TYRP1: variants seen among roughly 807,000 people sequenced by gnomAD.
The protein encoded by TYRP1 is tyrosinase related protein 1.
TYRP1 carries 49 observed loss-of-function variants against 42.8 expected under a neutral mutation model. The observed-to-expected ratio is 1.14, with a 90% confidence interval of 0.91 to 1.45. The LOEUF (loss-of-function observed/expected upper bound fraction) is 1.45. Among genes scored for constraint, TYRP1 ranks in the 40% most tolerant of loss-of-function variants. The pLI is 0.00. For missense variants in TYRP1, 848 were observed against 662.0 expected, an observed-to-expected ratio of 1.28 and a Z score of -3.08; for synonymous variants, 279 against 235.4, an observed-to-expected ratio of 1.19 and a Z score of -1.69.
At position 12,695,769 on chromosome 9, in the gene TYRP1, T is replaced by C. The variant is rs1818070387; in HGVS notation, c.640T>C (p.Ser214Pro). Residue 214 changes from serine (S) to proline (P), a missense_variant, in exon 3 of 8, where the codon TCT (serine) becomes CCT (proline). Ser to Pro is a moderately conservative substitution (Grantham distance 74). Transcript: ENST00000388918. Reference sequence around the variant, plus strand: ...GGAAAGCTTTGGTGAAGTGGATTTCTCTCATGAGGGACCAGCTTTTCTCAC... The same window carrying C: ...GGAAAGCTTTGGTGAAGTGGATTTCCCTCATGAGGGACCAGCTTTTCTCAC... ...GQESFGEVDF[S>P]HEGPAFLTWH... The C allele has an allele frequency of 1.2e-6, 2 of 1,614,018 alleles. No homozygotes were observed. Among genetic ancestry groups the C allele is most frequent in the East Asian group, 2.2e-5 (1 of 44,886 alleles).
chr9:12,699,786 C>G (rs1419264042), intron 4 of TYRP1, among the ~76,000 whole-genome samples: 1 of 152,010 alleles, frequency 6.6e-6, no homozygotes, highest in Non-Finnish European at 1.5e-5. Context: ...TGTTTATACT[C>G]TTTGTGACCA....
At position 12,695,667 on chromosome 9, in the gene TYRP1, G is replaced by A. The variant is rs1818067611; in HGVS notation, c.538G>A (p.Glu180Lys). 9 of 1,614,030 alleles carry A rather than the reference G, an allele frequency of 5.6e-6. No homozygotes were observed. The highest frequency in any genetic ancestry group is 7.6e-6 in the Non-Finnish European group (9 of 1,180,030). The change falls in exon 3 of 8, where the codon GAG becomes AAG. Residue 180 changes from glutamate to lysine, a missense_variant. Glu to Lys is a moderately conservative substitution (Grantham distance 56). Coordinates refer to ENST00000388918, the MANE Select transcript of TYRP1 (RefSeq NM_000550.3). ...GCCAGATGGCAACACGCCACAATTT[G>A]AGAACATTTCCATTTATAACTACTT... ...LGPDGNTPQF[E>K]NISIYNYFVW...
intron 4 of TYRP1, chr9:12,700,623 A>C (rs1302887151): frequency 2.6e-5 from 4 of 152,112 alleles, no homozygotes; most frequent in Admixed American, 2.6e-4. Context: ...AAATTTAAGA[A>C]TCACTGGAAT....
At chr9:12,705,985 C>CA (rs1818251974) in intron 6 of TYRP1, among the ~76,000 whole-genome samples, 1 of 151,990 alleles carries the variant, frequency 6.6e-6, no homozygotes, top group East Asian at 1.9e-4. Flanking sequence ...TTTTGAAATA[C>CA]AATATGAGGG....
At chr9:12,698,223 AGTTGAG>A (rs1818107800) in intron 3 of TYRP1, among the ~76,000 whole-genome samples, 1 of 152,126 alleles carries the variant, frequency 6.6e-6, no homozygotes, top group African/African-American at 2.4e-5. Flanking sequence ...CTGCATAATG[AGTTGAG>A]TTTCATTCCC....
chr9:12,701,114 C>G (rs1818160454), intron 4 of TYRP1, among the ~76,000 whole-genome samples: 1 of 151,898 alleles, frequency 6.6e-6, no homozygotes, highest in Admixed American at 6.6e-5. Flanking sequence ...CAGAATGATG[C>G]AAAATTTTCC....
At chr9:12,698,053 A>G (rs186592573) in intron 3 of TYRP1, among the ~76,000 whole-genome samples, 5 of 152,316 alleles carry the variant, frequency 3.3e-5, no homozygotes, top group Non-Finnish European at 7.4e-5. Context: ...CTAAGAGTTA[A>G]TGATGCTTGA....
intron 3 of TYRP1, 48 bp from the exon 4 acceptor site, chr9:12,698,403 T>A: frequency 6.4e-7 from 1 of 1,550,538 alleles, no homozygotes; most frequent in Non-Finnish European, 8.9e-7. Flanking sequence ...CAGAAATGAA[T>A]AATTGTAAAC....
chr9:12,694,238 A>G lies in TYRP1; in HGVS notation c.242A>G (p.His81Arg). The change falls in exon 2 of 8, where the codon CAT (histidine) becomes CGT (arginine). Residue 81 changes from histidine (H) to arginine (R), a missense_variant. Transcript: ENST00000388918. The part of the protein sequence containing the change: ...DSRPHSPQYP[H>R]DGRDDREVWP... ...CGGCCCCACAGCCCTCAGTATCCCC[A>G]TGATGGCAGAGATGATCGGGAGGTC... 1 of 1,613,852 alleles carries G rather than the reference A, an allele frequency of 6.2e-7. No homozygotes were observed. The highest frequency in any genetic ancestry group is 8.5e-7 in the Non-Finnish European group (1 of 1,179,926).
intron 4 of TYRP1, among the ~76,000 whole-genome samples, chr9:12,699,066 A>G (rs893246883): frequency 3.3e-5 from 5 of 152,166 alleles, no homozygotes; most frequent in African/African-American, 7.2e-5. Context: ...CTGGGAAGAA[A>G]AAAAAGAAAA....
In TYRP1 at chr9:12,709,326, T is replaced by G. The variant is rs1023789466; in HGVS notation, c.*144T>G. ...TTAGCATTAAAGTTCTAGGCATACT[T>G]TTCAAAGCTGGGAAGACCCTTTCAG... is the stretch of plus-strand genomic sequence containing the variant. On this transcript the variant is annotated 3_prime_UTR_variant, in exon 8 of 8. Coordinates refer to ENST00000388918, the MANE Select transcript of TYRP1 (RefSeq NM_000550.3). 2 of 863,798 alleles carry G rather than the reference T, an allele frequency of 2.3e-6. No individual in the cohort carries two copies. The highest frequency in any genetic ancestry group is 3.4e-5 in the African/African-American group (2 of 58,962). 53.5% of individuals were successfully genotyped at this position (863,798 alleles called of 1,614,324 possible). A position where few individuals can be genotyped will look rare whatever the true frequency, so the allele number is the denominator to read the frequency against.
rs1554648562 is a variant in TYRP1 at position 12,709,180 on chromosome 9, T to TAAC, written c.*1_*3dup. ...CCAGAATCCTAATCAGTCTGTGGTC[T>TAAC]AACAAATGCCCTACTCTCTTATGCA... On this transcript the variant is annotated inframe_insertion and stop_retained_variant, in exon 8 of 8. Coordinates refer to ENST00000388918, the MANE Select transcript of TYRP1 (RefSeq NM_000550.3). 6 of 1,612,116 alleles carry TAAC rather than the reference T, an allele frequency of 3.7e-6. No homozygotes were observed. The African/African-American group carries it at 6.7e-5, about 18-fold the overall frequency.
chr9:12,701,455 TA>T (rs1270965000), intron 4 of TYRP1, among the ~76,000 whole-genome samples: 1 of 151,838 alleles, frequency 6.6e-6, no homozygotes, highest in Non-Finnish European at 1.5e-5. Flanking sequence ...TTGTTACAGA[TA>T]GGGGGTGTTA....
At position 12,702,371 on chromosome 9, in the gene TYRP1, A is replaced by G. The variant is rs1179128816; in HGVS notation, c.1014A>G (p.Glu338=). Residue 338 remains glutamate (E), a synonymous_variant, in exon 5 of 8, where the codon GAA becomes GAG. Coordinates refer to ENST00000388918, the MANE Select transcript of TYRP1 (RefSeq NM_000550.3). ...CACAGGATGTCGCTCAGTGCTTGGA[A>G]GTTGGTTTATTTGACACGCCTCCTT... is the stretch of plus-strand genomic sequence containing the variant. ...PEPQDVAQCL[E]VGLFDTPPFY... is the part of the protein sequence containing the mutation. 6.2e-7 allele frequency: 1 copy of G among 1,613,146 alleles called. No homozygotes were observed. The highest frequency in any genetic ancestry group is 1.7e-5 in the Admixed American group (1 of 59,820).
At chr9:12,708,266 G>T in intron 7 of TYRP1, 123 bp downstream of exon 7, 3 of 1,229,000 alleles carry the variant, frequency 2.4e-6, no homozygotes, top group Non-Finnish European at 3.5e-6. Flanking sequence ...ACTTTCATTT[G>T]TACTTTTATT....
rs1313336775 is a variant in TYRP1, at chr9:12,698,563, C to T, written c.821C>T (p.Ser274Phe). Residue 274 changes from serine (S) to phenylalanine (F), a missense_variant, in exon 4 of 8, where the codon TCC becomes TTC. Coordinates refer to ENST00000388918, the MANE Select transcript of TYRP1 (RefSeq NM_000550.3). ...ATGGGATCCAGAAGCAACTTTGATT[C>T]CACTCTAATAAGCCCAAACTCTGTC... Reference protein sequence around the residue: ...DLMGSRSNFDSTLISPNSVFS... With the variant: ...DLMGSRSNFDFTLISPNSVFS... 6.2e-7 allele frequency: 1 copy of T among 1,613,836 alleles called. No individual in the cohort carries two copies. Among genetic ancestry groups the T allele is most frequent in the South Asian group, 1.1e-5 (1 of 91,082 alleles).
chr9:12,699,539 T>TTAG (rs1818132465), intron 4 of TYRP1, among the ~76,000 whole-genome samples: 1 of 83,874 alleles, frequency 1.2e-5, no homozygotes, highest in South Asian at 3.4e-4. Flanking sequence ...TCAAGTATTA[T>TTAG]TTTATGAACT....
rs777082841 is a variant in TYRP1, at chr9:12,709,282, T to C, written c.*100T>C. On this transcript the variant is annotated 3_prime_UTR_variant, in exon 8 of 8. Transcript: ENST00000388918. ...TATTTTCTTTCACTTTATTACCTTCTTTCTAATACAAGCATATGTTAGCAT... is the reference window on the plus strand; with the variant it reads ...TATTTTCTTTCACTTTATTACCTTCCTTCTAATACAAGCATATGTTAGCAT... 120 of 1,188,096 alleles carry C rather than the reference T, an allele frequency of 1.0e-4. No homozygotes were observed. Among genetic ancestry groups the C allele is most frequent in the Non-Finnish European group, 1.4e-4 (116 of 807,422 alleles). The allele number at this position is 1,188,096 out of a possible 1,614,324, so 73.6% of individuals were successfully genotyped here.
At chr9:12,699,386 G>T in intron 4 of TYRP1, among the ~76,000 whole-genome samples, 1 of 151,926 alleles carries the variant, frequency 6.6e-6, no homozygotes. Flanking sequence ...TTAATTATTA[G>T]ACACCCCCTA....
Sources: gnomAD v4.1 joint callset for allele counts (sites outside exome capture counted in the v4.1 genomes callset) on GRCh38, gnomAD v4.1.1 for gene constraint, MANE v1.5 for transcripts, NCBI Gene and HGNC (gene_info 2026-07-23, HGNC 2026-07-21) for gene names.